The following GNAO1 variants were observed in gnomAD, a reference collection of about 807,000 sequenced individuals.
The protein encoded by GNAO1 is guanine nucleotide-binding protein G(o) subunit alpha.
For missense variants in GNAO1, 166 were observed against 478.7 expected (o/e 0.35, Z 6.10); for synonymous variants, 164 against 180.7 (o/e 0.91, Z 0.74).
At chr16:56,302,048 T>C in intron 3 of GNAO1, 1 of 152,376 alleles carries the variant, frequency 6.6e-6, no homozygotes, top group African/African-American at 2.4e-5. Flanking sequence ...AGCACCTCTG[T>C]CCAGTCCCAC....
chr16:56,345,024 G>A (rs1384017445), intron 6 of GNAO1: 24 of 985,252 alleles, frequency 2.4e-5, no homozygotes, highest in Non-Finnish European at 2.5e-5. Context: ...ACACCCTGGA[G>A]TATTTGGACC....
intron 3 of GNAO1, among the ~76,000 whole-genome samples, chr16:56,309,660 A>G (rs924717462): frequency 1.3e-5 from 2 of 152,236 alleles, no homozygotes; most frequent in Non-Finnish European, 2.9e-5. Flanking sequence ...CCAGAAGCCA[A>G]GGCCCTTCTG....
intron 2 of GNAO1, among the ~76,000 whole-genome samples, chr16:56,259,426 T>A (rs75217079): frequency 0.066 from 9,990 of 152,338 alleles, 485 homozygotes; most frequent in Non-Finnish European, 0.098. Flanking sequence ...TCCTTCCTGG[T>A]TTCCAACTGC....
chr16:56,336,962 T>C (rs1489910975), intron 6 of GNAO1, 102 bp downstream of exon 6: 6 of 1,134,886 alleles, frequency 5.3e-6, no homozygotes, highest in Non-Finnish European at 7.5e-6. Flanking sequence ...ACAATGGCTC[T>C]GGGGTCCAGC....
intron 3 of GNAO1, among the ~76,000 whole-genome samples, chr16:56,295,517 A>G (rs1230944814): frequency 1.3e-5 from 2 of 152,170 alleles, no homozygotes; most frequent in Admixed American, 1.3e-4. Context: ...GGGCCAGCCC[A>G]TGTGAAACCA....
At position 56,225,432 on chromosome 16, in the gene GNAO1, G is replaced by A. The variant is rs537788656; in HGVS notation, c.161+32816G>A. 7.9e-5 allele frequency among the ~76,000 whole-genome samples: 12 copies of A among 152,370 alleles called. No individual in the cohort carries two copies. The South Asian group carries it at 8.3e-4, about 11-fold the overall frequency. On this transcript the variant is annotated intron_variant, in intron 2 of 8. Transcript: ENST00000262493. ...CAGGTATGACTTGCCCAGTTTTACA[G>A]AAGAGAAAATGGAGGTTGGGAGGTG...
intron 2 of GNAO1, among the ~76,000 whole-genome samples, chr16:56,246,014 CA>C (rs2036740942): frequency 6.6e-6 from 1 of 152,204 alleles, no homozygotes; most frequent in South Asian, 2.1e-4. Flanking sequence ...TGCTTCCTCC[CA>C]GCTGAGATCT....
chr16:56,340,483 G>T, intron 6 of GNAO1: 1 of 229,730 alleles, frequency 4.4e-6, no homozygotes, highest in Non-Finnish European at 8.6e-6. Context: ...TTCGGTGGTG[G>T]TTGCGGCCCC....
chr16:56,239,642 T>C (rs2036674897), intron 2 of GNAO1, among the ~76,000 whole-genome samples: 1 of 152,246 alleles, frequency 6.6e-6, no homozygotes, highest in Non-Finnish European at 1.5e-5. Flanking sequence ...TGATGAGTTG[T>C]AGAAATAATC....
chr16:56,355,206 C>T (rs1276800017), intron 8 of GNAO1, 125 bp downstream of exon 8: 2 of 226,152 alleles, frequency 8.8e-6, no homozygotes, highest in Non-Finnish European at 1.5e-5. Flanking sequence ...ATAACAAAAC[C>T]TTATATATAT....
intron 3 of GNAO1, among the ~76,000 whole-genome samples, chr16:56,283,713 T>C (rs987878225): frequency 6.6e-6 from 1 of 152,116 alleles, no homozygotes; most frequent in Non-Finnish European, 1.5e-5. Flanking sequence ...CTGGAGGATG[T>C]AATAGATGAA....
rs1302585213 is a variant in GNAO1, at chr16:56,311,051, C to T, written c.304-17580C>T. On this transcript the variant is annotated intron_variant, in intron 3 of 8. Coordinates refer to ENST00000262493, the MANE Select transcript of GNAO1 (RefSeq NM_020988.3). This position sits in a 1 kb window ranked among gnomAD's most constrained non-coding sequence, Gnocchi z 5.2. ...ACAGAAAAGTTCCCGACTAGCAGAC[C>T]ATGAGAGGGCTGAAATCCAGTGCAC... 1.3e-5 allele frequency among the ~76,000 whole-genome samples: 2 copies of T among 152,248 alleles called. No homozygotes were observed. The highest frequency in any genetic ancestry group is 2.1e-4 in the South Asian group (1 of 4,824).
chr16:56,283,461 C>T (rs2037133913), intron 3 of GNAO1, among the ~76,000 whole-genome samples: 1 of 152,190 alleles, frequency 6.6e-6, no homozygotes, highest in African/African-American at 2.4e-5. Context: ...TTCAGAATGT[C>T]ATTGGATCTC....
Position 56,351,748 on chromosome 16 carries a change from C to G in GNAO1, c.877+211C>G. 1.8e-6 allele frequency: 1 copy of G among 563,518 alleles called. No individual in the cohort carries two copies. The allele number at this position is 563,518 out of a possible 1,614,324, so 34.9% of individuals were successfully genotyped here. On this transcript the variant is annotated intron_variant, in intron 7 of 8. Transcript: ENST00000262493. This position sits in a 1 kb window ranked among gnomAD's most constrained non-coding sequence, Gnocchi z 6.1. ...CCTCAGCGTGGTGGAAATGGCCCCT[C>G]CTAAGATATATGTGTTAGGACCAAG...
chr16:56,229,784 A>C (rs1157452399), intron 2 of GNAO1, among the ~76,000 whole-genome samples: 1 of 126,058 alleles, frequency 7.9e-6, no homozygotes, highest in Non-Finnish European at 1.7e-5. Context: ...TCTAATTCCA[A>C]AGTACCTAAA....
chr16:56,346,763 GAC>G (rs762850323), intron 6 of GNAO1: 75 of 985,434 alleles, frequency 7.6e-5, no homozygotes, highest in Non-Finnish European at 8.7e-5. Context: ...GCAGGAACTG[GAC>G]ACATCCCTGC....
intron 2 of GNAO1, among the ~76,000 whole-genome samples, chr16:56,219,692 A>G (rs557021575): frequency 6.6e-6 from 1 of 152,204 alleles, no homozygotes; most frequent in Admixed American, 6.5e-5. Context: ...CCCTTGATAC[A>G]GGCCCTGTCC....
At chr16:56,279,673 C>T (rs1167582936) in intron 3 of GNAO1, among the ~76,000 whole-genome samples, 1 of 152,240 alleles carries the variant, frequency 6.6e-6, no homozygotes, top group Non-Finnish European at 1.5e-5. Context: ...ATCTCACACA[C>T]TGGCATGAAG....
At chr16:56,313,669 A>G (rs1250265066) in intron 3 of GNAO1, among the ~76,000 whole-genome samples, 1 of 152,182 alleles carries the variant, frequency 6.6e-6, no homozygotes, top group African/African-American at 2.4e-5. Context: ...GACTTGGCAA[A>G]TGGTAGTTTA....
Sources: gnomAD v4.1 joint callset for allele counts (sites outside exome capture counted in the v4.1 genomes callset) on GRCh38, gnomAD v4.1.1 for gene constraint, Gnocchi (gnomAD v3.1) non-coding constraint, MANE v1.5 for transcripts, NCBI Gene and HGNC (gene_info 2026-07-23, HGNC 2026-07-21) for gene names.